The following LHCGR variants were observed in gnomAD, a reference collection of about 807,000 sequenced individuals.
The protein encoded by LHCGR is luteinizing hormone/choriogonadotropin receptor.
LHCGR carries 55 observed loss-of-function variants against 60.7 expected under a neutral mutation model. The ratio of observed to expected loss-of-function variants is 0.91; its 90% CI spans 0.73 to 1.13. LHCGR has a LOEUF of 1.13. Ranked by LOEUF, LHCGR falls within the 50% of genes most tolerant of loss-of-function variation. The probability of loss-of-function intolerance (pLI) is 0.00; values close to 1 mark genes in which losing one functional copy is unlikely to be tolerated. For missense variants in LHCGR, 862 were observed against 836.0 expected, an observed-to-expected ratio of 1.03 and a Z score of -0.38; for synonymous variants, 337 against 316.5, an observed-to-expected ratio of 1.06 and a Z score of -0.69.
chr2:48,701,716 C>G (rs564186537), intron 8 of LHCGR, among the ~76,000 whole-genome samples: 9 of 152,158 alleles, frequency 5.9e-5, no homozygotes, highest in Non-Finnish European at 1.2e-4. Context: ...CTTCCCCATC[C>G]TATGAAGGCA....
At chr2:48,731,785 T>TC (rs1669004625) in intron 1 of LHCGR, among the ~76,000 whole-genome samples, 1 of 152,052 alleles carries the variant, frequency 6.6e-6, no homozygotes, top group East Asian at 1.9e-4. Flanking sequence ...CTATGTTGAG[T>TC]AGAGTGGAGA....
chr2:48,714,761 A>T (rs985119613), intron 6 of LHCGR, among the ~76,000 whole-genome samples: 2 of 152,186 alleles, frequency 1.3e-5, no homozygotes, highest in Admixed American at 6.5e-5. Flanking sequence ...ACAAACACAC[A>T]CACATACATG....
intron 6 of LHCGR, among the ~76,000 whole-genome samples, chr2:48,718,372 T>G (rs1255880055): frequency 6.6e-6 from 1 of 152,210 alleles, no homozygotes; most frequent in Non-Finnish European, 1.5e-5. Flanking sequence ...TGCTTTATAA[T>G]GAACCCCAAA....
At chr2:48,725,835 G>A in intron 3 of LHCGR, 85 bp from the exon 4 acceptor site, 3 of 1,165,382 alleles carry the variant, frequency 2.6e-6, no homozygotes, top group Non-Finnish European at 2.6e-6. Flanking sequence ...ACCAGAAGTT[G>A]CTGGCTGAAA....
chr2:48,723,412 G>T, intron 6 of LHCGR, 44 bp downstream of exon 6: 2 of 1,325,750 alleles, frequency 1.5e-6, no homozygotes, highest in Non-Finnish European at 2.2e-6. Flanking sequence ...AGTGAGACTA[G>T]CAGGAGGCTG....
At position 48,713,897 on chromosome 2, in the gene LHCGR, G is replaced by A. The variant is rs1450339176; in HGVS notation, c.605+89C>T. 38 of 1,041,140 alleles carry A rather than the reference G, an allele frequency of 3.6e-5. No individual in the cohort carries two copies. In the Admixed American group the frequency reaches 6.2e-4, roughly 17 times the overall value. 64.5% of individuals were successfully genotyped at this position (1,041,140 alleles called of 1,614,324 possible). ...CCACTTGAAAGTTTATTTTTGCCCTGAGTTAGTTGCTGAAGATTGAATGTG... is the reference window on the plus strand; with the variant it reads ...CCACTTGAAAGTTTATTTTTGCCCTAAGTTAGTTGCTGAAGATTGAATGTG... On this transcript the variant is annotated intron_variant, in intron 7 of 10. Transcript: ENST00000294954.
At chr2:48,719,306 G>A (rs1412768681) in intron 6 of LHCGR, among the ~76,000 whole-genome samples, 1 of 152,168 alleles carries the variant, frequency 6.6e-6, no homozygotes, top group Non-Finnish European at 1.5e-5. Flanking sequence ...TAGACACAGA[G>A]CCAGGACTGA....
chr2:48,729,217 G>T lies in LHCGR; in HGVS notation c.244C>A (p.Gln82Lys). 1 of 1,607,822 alleles carries T rather than the reference G, an allele frequency of 6.2e-7. No individual in the cohort carries two copies. The highest frequency in any genetic ancestry group is 8.5e-7 in the Non-Finnish European group (1 of 1,175,860). The change falls in exon 3 of 11, where the codon CAG becomes AAG. Residue 82 changes from glutamine to lysine, a missense_variant. Physicochemically the swap from Gln to Lys is moderately conservative, Grantham distance 53. Coordinates refer to ENST00000294954, the MANE Select transcript of LHCGR (RefSeq NM_000233.4). The part of the protein sequence containing the change: ...LNEVIKIEIS[Q>K]IDSLERIEAN... Reference sequence around the variant, plus strand: ...TCTATCCTTTCCAGGGAATCAATCTGAGAGATTTCACTAGGGAAGAGAGGA... The same window carrying T: ...TCTATCCTTTCCAGGGAATCAATCTTAGAGATTTCACTAGGGAAGAGAGGA...
chr2:48,720,982 C>CA (rs1668470633), intron 6 of LHCGR: 1 of 152,262 alleles, frequency 6.6e-6, no homozygotes, highest in African/African-American at 2.4e-5. Context: ...AGGTCTAATT[C>CA]AAATCTGTTA....
intron 6 of LHCGR, among the ~76,000 whole-genome samples, chr2:48,715,816 G>C (rs766490266): frequency 6.6e-6 from 1 of 152,154 alleles, no homozygotes. Context: ...AATATAACTA[G>C]AGATTACAAA....
At chr2:48,693,519 G>A (rs1161164793) in intron 10 of LHCGR, among the ~76,000 whole-genome samples, 1 of 152,192 alleles carries the variant, frequency 6.6e-6, no homozygotes, top group Admixed American at 6.5e-5. Flanking sequence ...TTCAGAAAGA[G>A]ATTGGCAAAG....
At chr2:48,708,883 G>T in intron 8 of LHCGR, 65 bp downstream of exon 8, 1 of 1,210,696 alleles carries the variant, frequency 8.3e-7, no homozygotes, top group Non-Finnish European at 1.2e-6. Flanking sequence ...GATGTGGAGG[G>T]ACACCCTAAG....
At chr2:48,738,692 A>G (rs957829373) in intron 1 of LHCGR, among the ~76,000 whole-genome samples, 1 of 152,218 alleles carries the variant, frequency 6.6e-6, no homozygotes, top group Non-Finnish European at 1.5e-5. Context: ...CAGTTGAAAT[A>G]TAGGCCAGTC....
intron 1 of LHCGR, among the ~76,000 whole-genome samples, chr2:48,742,386 T>C (rs1426394020): frequency 6.7e-6 from 1 of 150,310 alleles, no homozygotes; most frequent in African/African-American, 2.4e-5. Context: ...CAACAGAATA[T>C]ACATTTTTTT....
At chr2:48,724,136 A>G (rs1668622299) in intron 4 of LHCGR, among the ~76,000 whole-genome samples, 1 of 152,216 alleles carries the variant, frequency 6.6e-6, no homozygotes, top group East Asian at 1.9e-4. Context: ...ATCTTTTATG[A>G]TAAATCCATA....
chr2:48,713,908 T>A (rs1668114898), intron 7 of LHCGR, 78 bp downstream of exon 7: 2 of 1,151,672 alleles, frequency 1.7e-6, no homozygotes, highest in East Asian at 4.8e-5. Context: ...AGTTAGTTGC[T>A]GAAGATTGAA....
At chr2:48,708,417 C>T (rs1667803748) in intron 8 of LHCGR, among the ~76,000 whole-genome samples, 1 of 152,110 alleles carries the variant, frequency 6.6e-6, no homozygotes, top group African/African-American at 2.4e-5. Context: ...CTTGACGTTC[C>T]CAGTACCTCA....
chr2:48,755,593 C>T lies in LHCGR; in HGVS notation c.79G>A (p.Glu27Lys), dbSNP rs979633619. Reference sequence around the variant, plus strand: ...TTGCAGGGCTCAGGGCAGAGCGCCTCGCGCAGCGCTCGTGGCAGCGGCGGC... The same window carrying T: ...TTGCAGGGCTCAGGGCAGAGCGCCTTGCGCAGCGCTCGTGGCAGCGGCGGC... ...LQPPLPRALREALCPEPCNCV... is the reference protein window; with the variant it reads ...LQPPLPRALRKALCPEPCNCV... Residue 27 changes from glutamate to lysine, a missense_variant, in exon 1 of 11, where the codon GAG becomes AAG. Coordinates refer to ENST00000294954, the MANE Select transcript of LHCGR (RefSeq NM_000233.4). 1.2e-5 allele frequency: 18 copies of T among 1,537,704 alleles called. No homozygotes were observed. In the Middle Eastern group the frequency reaches 6.8e-4, roughly 59 times the overall value.
Position 48,741,223 on chromosome 2 carries a change from C to T in LHCGR, c.162-9925G>A, listed in dbSNP as rs555265844. Among the ~76,000 whole-genome samples, 186 of 152,250 alleles carry T rather than the reference C, an allele frequency of 1.2e-3. 1 individual carries two copies. The highest frequency in any genetic ancestry group is 4.3e-3 in the African/African-American group (179 of 41,520). ...ACCAAATCTACGTCTGATTGGTGTACCTGAAAGTGACGGGGAGAATGGAAC... is the reference window on the plus strand; with the variant it reads ...ACCAAATCTACGTCTGATTGGTGTATCTGAAAGTGACGGGGAGAATGGAAC... On this transcript the variant is annotated intron_variant, in intron 1 of 10. Transcript: ENST00000294954.
Sources: allele counts gnomAD v4.1 joint callset (sites outside exome capture counted in the v4.1 genomes callset), GRCh38; gene constraint gnomAD v4.1.1; transcripts MANE v1.5; gene names NCBI Gene and HGNC (gene_info 2026-07-23, HGNC 2026-07-21).